The following NRG1 variants were observed in gnomAD, a reference collection of about 807,000 sequenced individuals.
NRG1 encodes the protein pro-neuregulin-1, membrane-bound isoform.
In NRG1, 18 loss-of-function variants were observed where a neutral mutation model predicts 63.8. That is an observed-to-expected ratio of 0.28 (90% CI 0.19 to 0.42). The LOEUF is 0.42. Among genes scored for constraint, NRG1 ranks in the 10% least tolerant of loss-of-function variants. The pLI, the probability that NRG1 is intolerant of heterozygous loss-of-function variation, is 1.00. For synonymous variants in NRG1, 302 were observed against 301.3 expected, an observed-to-expected ratio of 1.00 and a Z score of -0.02; for missense variants, 762 against 814.7, an observed-to-expected ratio of 0.94 and a Z score of 0.79.
intron 1 of NRG1, among the ~76,000 whole-genome samples, chr8:32,234,204 C>T (rs1487918223): frequency 6.6e-6 from 1 of 152,082 alleles, no homozygotes; most frequent in Non-Finnish European, 1.5e-5. Context: ...AACTTCCTAC[C>T]TTTATGTACA....
chr8:32,634,029 A>T (rs1850824309), intron 5 of NRG1, among the ~76,000 whole-genome samples: 1 of 147,968 alleles, frequency 6.8e-6, no homozygotes, highest in South Asian at 2.2e-4. Flanking sequence ...CTGTAGTCCC[A>T]GCCAATTGGG....
intron 1 of NRG1, among the ~76,000 whole-genome samples, chr8:32,518,607 T>G (rs1830055545): frequency 6.6e-6 from 1 of 152,156 alleles, no homozygotes; most frequent in South Asian, 2.1e-4. Flanking sequence ...GGAAGAAAGC[T>G]TTTTATGACC....
intron 1 of NRG1, among the ~76,000 whole-genome samples, chr8:32,556,196 C>T (rs1835142121): frequency 6.6e-6 from 1 of 152,208 alleles, no homozygotes; most frequent in South Asian, 2.1e-4. Flanking sequence ...TTATTCTTTA[C>T]ATATTCTTTA....
At chr8:31,898,359 T>C (rs1001715313) in intron 1 of NRG1, among the ~76,000 whole-genome samples, 1 of 152,212 alleles carries the variant, frequency 6.6e-6, no homozygotes, top group African/African-American at 2.4e-5. Flanking sequence ...ATATATATTA[T>C]TGTGTAATTC....
intron 1 of NRG1, among the ~76,000 whole-genome samples, chr8:31,730,927 A>G (rs935996292): frequency 1.3e-5 from 2 of 152,172 alleles, no homozygotes; most frequent in East Asian, 1.9e-4. Context: ...AGATATTAAT[A>G]TACAGGAAAA....
chr8:32,548,668 T>C (rs1430094313), exon 1 of NRG1: 2 of 1,534,522 alleles, frequency 1.3e-6, no homozygotes, highest in Middle Eastern at 1.7e-4. Context: ...ATCCGAGCCC[T>C]TGGACCAAAC....
At chr8:31,947,734 A>G (rs1282514520) in intron 1 of NRG1, among the ~76,000 whole-genome samples, 1 of 151,972 alleles carries the variant, frequency 6.6e-6, no homozygotes, top group Admixed American at 6.6e-5. Flanking sequence ...GTCTGAGCTC[A>G]AGAGTTCAAG....
chr8:32,106,612 G>A (rs1289097264), intron 1 of NRG1, among the ~76,000 whole-genome samples: 1 of 152,094 alleles, frequency 6.6e-6, no homozygotes, highest in Non-Finnish European at 1.5e-5. Context: ...TGTGAGAGTT[G>A]ATGTTACAGA....
downstream of NRG1, among the ~76,000 whole-genome samples, chr8:32,772,127 C>G (rs10104786): frequency 0.99 from 141,731 of 143,416 alleles, 70,055 homozygotes; most frequent in Non-Finnish European, 1. Flanking sequence ...CCAAATTAGA[C>G]GGCTCTGGTT....
intron 1 of NRG1, among the ~76,000 whole-genome samples, chr8:31,783,345 A>G (rs1035790510): frequency 2.0e-5 from 3 of 152,196 alleles, no homozygotes; most frequent in Non-Finnish European, 4.4e-5. Context: ...ACAAACAACT[A>G]ACTTTTAAAG....
At chr8:32,224,405 C>A (rs1300608712) in intron 1 of NRG1, among the ~76,000 whole-genome samples, 1 of 152,130 alleles carries the variant, frequency 6.6e-6, no homozygotes, top group Non-Finnish European at 1.5e-5. Flanking sequence ...TCACTGACTA[C>A]CTGTCTGAAG....
At chr8:31,962,530 G>A (rs972030088) in intron 1 of NRG1, among the ~76,000 whole-genome samples, 6 of 152,126 alleles carry the variant, frequency 3.9e-5, no homozygotes, top group Non-Finnish European at 7.4e-5. Flanking sequence ...AAAGGAGATA[G>A]GGAGAGAATT....
At chr8:32,711,489 A>G (rs747999026) in intron 5 of NRG1, among the ~76,000 whole-genome samples, 3 of 152,154 alleles carry the variant, frequency 2.0e-5, no homozygotes, top group Non-Finnish European at 4.4e-5. Context: ...AACATTATCA[A>G]TGCCAAACAC....
intron 1 of NRG1, among the ~76,000 whole-genome samples, chr8:31,888,411 T>A (rs1308472428): frequency 6.6e-6 from 1 of 152,100 alleles, no homozygotes; most frequent in Non-Finnish European, 1.5e-5. Context: ...AGTGAGGAAA[T>A]TTAACATTTT....
chr8:32,393,224 T>C lies in NRG1; in HGVS notation c.38-202604T>C, dbSNP rs545875812. On this transcript the variant is annotated intron_variant, in intron 1 of 10. Coordinates refer to the NRG1 transcript ENST00000519301. ...TTTTTTTCTCCCACAGGCCACAAAA[T>C]ACCATCTTCCTCTTACAGGGAATGA... Among the ~76,000 whole-genome samples, 31 of 152,270 alleles carry C rather than the reference T, an allele frequency of 2.0e-4. No individual in the cohort carries two copies. The South Asian group carries it at 5.2e-3, about 25-fold the overall frequency.
intron 1 of NRG1, among the ~76,000 whole-genome samples, chr8:31,654,659 C>A (rs1805244702): frequency 6.6e-6 from 1 of 152,172 alleles, no homozygotes; most frequent in African/African-American, 2.4e-5. Flanking sequence ...TGCTTCTTGG[C>A]TAGATGTGTG....
intron 1 of NRG1, among the ~76,000 whole-genome samples, chr8:32,239,662 A>C (rs975233559): frequency 5.9e-5 from 9 of 152,282 alleles, no homozygotes; most frequent in African/African-American, 1.7e-4. Context: ...CCACATATTC[A>C]AGAAAGATTT....
chr8:32,745,471 G>A (rs1380415068), intron 7 of NRG1, among the ~76,000 whole-genome samples: 3 of 152,092 alleles, frequency 2.0e-5, no homozygotes, highest in African/African-American at 7.2e-5. Flanking sequence ...GCCATTTACT[G>A]ATTTATAAAA....
intron 1 of NRG1, among the ~76,000 whole-genome samples, chr8:32,047,787 A>T (rs779178101): frequency 6.6e-6 from 1 of 150,850 alleles, no homozygotes; most frequent in Non-Finnish European, 1.5e-5. Flanking sequence ...AACACTTTAC[A>T]TTTACTCTTT....
Sources: allele counts gnomAD v4.1 joint callset (sites outside exome capture counted in the v4.1 genomes callset), GRCh38; gene constraint gnomAD v4.1.1; transcripts MANE v1.5; gene names NCBI Gene and HGNC (gene_info 2026-07-23, HGNC 2026-07-21).